OTUD7A: variants seen among roughly 807,000 people sequenced by gnomAD.
The protein encoded by OTUD7A is OTU domain-containing protein 7A.
A neutral mutation model predicts 65.7 loss-of-function variants in OTUD7A; 12 were observed. The ratio of observed to expected loss-of-function variants is 0.18; its 90% CI spans 0.12 to 0.30. The LOEUF (loss-of-function observed/expected upper bound fraction) is 0.30, where lower values mean the gene tolerates loss of function less well. OTUD7A is among the 10% of genes least tolerant of loss of function. The probability of loss-of-function intolerance (pLI) is 1.00; values close to 1 mark genes in which losing one functional copy is unlikely to be tolerated. For synonymous variants in OTUD7A, 641 were observed against 586.3 expected, an observed-to-expected ratio of 1.09 and a Z score of -1.35; for missense variants, 1,148 against 1,304.8, an observed-to-expected ratio of 0.88 and a Z score of 1.85.
chr15:31,674,814 A>G (rs1290442684), intron 1 of OTUD7A, among the ~76,000 whole-genome samples: 4 of 152,196 alleles, frequency 2.6e-5, no homozygotes, highest in African/African-American at 9.6e-5. Flanking sequence ...GAGTGAGGAA[A>G]TAACATCTGC....
intron 1 of OTUD7A, among the ~76,000 whole-genome samples, chr15:31,694,193 C>A (rs564694372): frequency 6.6e-6 from 1 of 152,098 alleles, no homozygotes; most frequent in Non-Finnish European, 1.5e-5. Flanking sequence ...AGGGGGCCCA[C>A]GCAGCGCAGG....
intron 3 of OTUD7A, among the ~76,000 whole-genome samples, chr15:31,607,243 T>C (rs1341926405): frequency 6.6e-6 from 1 of 152,188 alleles, no homozygotes; most frequent in Non-Finnish European, 1.5e-5. Context: ...ACAAGTCTTA[T>C]GGATCTGGGC....
chr15:31,741,641 T>C (rs1250774980), intron 1 of OTUD7A, among the ~76,000 whole-genome samples: 1 of 152,022 alleles, frequency 6.6e-6, no homozygotes, highest in Non-Finnish European at 1.5e-5. Flanking sequence ...AACTAAATCA[T>C]AAAATATTTC....
rs563922161 is a variant in OTUD7A at position 31,864,111 on chromosome 15, A to G, written c.-100+6396T>C. 4.1e-4 allele frequency among the ~76,000 whole-genome samples: 62 copies of G among 152,280 alleles called. No homozygotes were observed. In the South Asian group the frequency reaches 0.012, roughly 29 times the overall value. ...AACAAGTTCCTCATCTCCATCTGAGACCACCTTGGCCTGGACCTTATTGTC... is the reference window on the plus strand; with the variant it reads ...AACAAGTTCCTCATCTCCATCTGAGGCCACCTTGGCCTGGACCTTATTGTC... On this transcript the variant is annotated intron_variant, in intron 1 of 12. Coordinates refer to ENST00000307050, the MANE Select transcript of OTUD7A (RefSeq NM_001382637.1).
At chr15:31,840,649 A>G (rs1897162345) in intron 1 of OTUD7A, among the ~76,000 whole-genome samples, 2 of 152,142 alleles carry the variant, frequency 1.3e-5, no homozygotes, top group South Asian at 4.1e-4. Context: ...GTAGTGGTGG[A>G]AAACATGCTT....
chr15:31,749,872 G>T (rs1894583235), intron 1 of OTUD7A, among the ~76,000 whole-genome samples: 1 of 151,878 alleles, frequency 6.6e-6, no homozygotes, highest in Admixed American at 6.6e-5. Flanking sequence ...AAAGTTTCAG[G>T]ATACAAAATC....
intron 1 of OTUD7A, among the ~76,000 whole-genome samples, chr15:31,663,655 G>A (rs1234563801): frequency 1.3e-5 from 2 of 152,070 alleles, no homozygotes; most frequent in African/African-American, 2.4e-5. Context: ...TGATGTATAT[G>A]TACCACATTT....
chr15:31,487,852 A>T lies in OTUD7A; in HGVS notation c.1172-286T>A, dbSNP rs1055674662. 6.6e-6 allele frequency among the ~76,000 whole-genome samples: 1 copy of T among 152,126 alleles called. No homozygotes were observed. Among genetic ancestry groups the T allele is most frequent in the Admixed American group, 6.5e-5 (1 of 15,286 alleles). On this transcript the variant is annotated intron_variant, in intron 10 of 12. Coordinates refer to ENST00000307050, the MANE Select transcript of OTUD7A (RefSeq NM_001382637.1). The surrounding 1 kb of genome is among the most constrained non-coding windows in gnomAD (Gnocchi z 6.0). The stretch of plus-strand genomic sequence containing the variant: ...TGGGCAGCAGAATGGGAAAAAAGCT[A>T]TTGCTGCCTCTGCTATTTCTAGGAA...
chr15:31,733,758 A>C (rs542603114), intron 1 of OTUD7A, among the ~76,000 whole-genome samples: 1 of 152,320 alleles, frequency 6.6e-6, no homozygotes, highest in Non-Finnish European at 1.5e-5. Flanking sequence ...GTGCTCTCAA[A>C]TGGCAAGTTT....
intron 1 of OTUD7A, among the ~76,000 whole-genome samples, chr15:31,747,198 G>C (rs1167394329): frequency 6.6e-6 from 1 of 152,150 alleles, no homozygotes; most frequent in Non-Finnish European, 1.5e-5. Flanking sequence ...AAGATGGGAA[G>C]GGTTGTGCAG....
intron 3 of OTUD7A, among the ~76,000 whole-genome samples, chr15:31,589,829 A>G (rs1304542140): frequency 1.3e-5 from 2 of 152,210 alleles, no homozygotes; most frequent in African/African-American, 2.4e-5. Context: ...CAGTTTTAGT[A>G]CTGAATGATA....
At chr15:31,600,557 G>A (rs974866382) in intron 3 of OTUD7A, among the ~76,000 whole-genome samples, 2 of 152,124 alleles carry the variant, frequency 1.3e-5, no homozygotes, top group African/African-American at 2.4e-5. Flanking sequence ...AGCAACCAAC[G>A]AGCAAAATAA....
Position 31,484,134 on chromosome 15 carries a change from G to T in OTUD7A, c.1962C>A (p.His654Gln). 6.2e-7 allele frequency: 1 copy of T among 1,609,398 alleles called. No individual in the cohort carries two copies. ...AGCCGATCATCTCCTCGTGGAACTGGTGCCGGTGGCTGGTGAGCAGCAGGC... is the reference window on the plus strand; with the variant it reads ...AGCCGATCATCTCCTCGTGGAACTGTTGCCGGTGGCTGGTGAGCAGCAGGC... ...FAGLLLTSHRHQFHEEMIGYY... is the reference protein window; with the variant it reads ...FAGLLLTSHRQQFHEEMIGYY... Residue 654 changes from histidine to glutamine, a missense_variant, in exon 13 of 13, where the codon CAC (histidine) becomes CAA (glutamine). Physicochemically the swap from His to Gln is conservative, Grantham distance 24. Coordinates refer to ENST00000307050, the MANE Select transcript of OTUD7A (RefSeq NM_001382637.1). The surrounding 1 kb of genome is among the most constrained non-coding windows in gnomAD (Gnocchi z 4.5).
chr15:31,510,352 G>A (rs1056011151), intron 8 of OTUD7A, among the ~76,000 whole-genome samples: 1 of 151,270 alleles, frequency 6.6e-6, no homozygotes, highest in African/African-American at 2.4e-5. Context: ...GTGCCTGGCT[G>A]TCTGGCGTCA....
intron 3 of OTUD7A, among the ~76,000 whole-genome samples, chr15:31,635,489 G>A (rs1037156713): frequency 3.3e-5 from 5 of 152,166 alleles, no homozygotes; most frequent in Non-Finnish European, 5.9e-5. Flanking sequence ...GGAACCAGGC[G>A]GGGAGAGACC....
intron 1 of OTUD7A, among the ~76,000 whole-genome samples, chr15:31,789,519 C>T (rs1441842450): frequency 6.6e-6 from 1 of 152,174 alleles, no homozygotes; most frequent in Non-Finnish European, 1.5e-5. Context: ...AATTGAAATG[C>T]TTCCTGTCCA....
At chr15:31,516,290 T>G (rs1595575077) in intron 8 of OTUD7A, among the ~76,000 whole-genome samples, 1 of 152,190 alleles carries the variant, frequency 6.6e-6, no homozygotes, top group African/African-American at 2.4e-5. Flanking sequence ...GCGGGCCCAG[T>G]TGAGAGGTGA....
chr15:31,498,150 G>A lies in OTUD7A; in HGVS notation c.1171+3540C>T, dbSNP rs1201205608. Among the ~76,000 whole-genome samples, 1 of 152,180 alleles carries A rather than the reference G, an allele frequency of 6.6e-6. No homozygotes were observed. The highest frequency in any genetic ancestry group is 2.4e-5 in the African/African-American group (1 of 41,436). On this transcript the variant is annotated intron_variant, in intron 10 of 12. Coordinates refer to ENST00000307050, the MANE Select transcript of OTUD7A (RefSeq NM_001382637.1). This position sits in a 1 kb window ranked among gnomAD's most constrained non-coding sequence, Gnocchi z 4.2. Reference sequence around the variant, plus strand: ...TTACCAAGAGTTAGCTGCCATTTTGGACTGTAGAGCCTCCTGGGGTATTTG... The same window carrying A: ...TTACCAAGAGTTAGCTGCCATTTTGAACTGTAGAGCCTCCTGGGGTATTTG...
intron 3 of OTUD7A, among the ~76,000 whole-genome samples, chr15:31,647,415 C>A (rs1046526510): frequency 3.4e-4 from 52 of 152,346 alleles, no homozygotes; most frequent in African/African-American, 1.3e-3. Context: ...CAACCAAACA[C>A]AAGCTGCAGC....
Sources: allele counts gnomAD v4.1 joint callset (sites outside exome capture counted in the v4.1 genomes callset), GRCh38; gene constraint gnomAD v4.1.1; non-coding constraint Gnocchi (gnomAD v3.1); transcripts MANE v1.5; gene names NCBI Gene and HGNC (gene_info 2026-07-23, HGNC 2026-07-21).